ST3GAL4: variants seen among roughly 807,000 people sequenced by gnomAD.
ST3GAL4 encodes the protein ST3 beta-galactoside alpha-2,3-sialyltransferase 4, also known as CMP-N-acetylneuraminate-beta-galactosamide-alpha-2,3-sialyltransferase 4.
In ST3GAL4, 24 loss-of-function variants were observed where a neutral mutation model predicts 42.6. The observed-to-expected ratio is 0.56, with a 90% confidence interval of 0.41 to 0.79. ST3GAL4 has a LOEUF of 0.79. Ranked by LOEUF, ST3GAL4 falls within the 30% of genes least tolerant of loss-of-function variation. The pLI, the probability that ST3GAL4 is intolerant of heterozygous loss-of-function variation, is 0.00. For missense variants in ST3GAL4, 311 were observed against 430.8 expected (o/e 0.72, Z 2.46); for synonymous variants, 135 against 163.2 (o/e 0.83, Z 1.32).
intron 1 of ST3GAL4, among the ~76,000 whole-genome samples, chr11:126,387,061 G>GT (rs1479059975): frequency 6.6e-6 from 1 of 152,214 alleles, no homozygotes; most frequent in African/African-American, 2.4e-5. Context: ...TGTCCTCAGG[G>GT]TAGGACACAA....
intron 1 of ST3GAL4, chr11:126,403,229 CGCAACACTG>C (rs963290163): frequency 3.2e-6 from 1 of 311,028 alleles, no homozygotes; most frequent in Non-Finnish European, 4.7e-6. Flanking sequence ...GTTTGCTTAG[CGCAACACTG>C]ACGCTGTTTT....
At chr11:126,404,923 C>T (rs1203514671) in intron 1 of ST3GAL4, among the ~76,000 whole-genome samples, 1 of 152,224 alleles carries the variant, frequency 6.6e-6, no homozygotes, top group African/African-American at 2.4e-5. Context: ...GTAAAATGGA[C>T]CAGGCCTCAT....
intron 1 of ST3GAL4, among the ~76,000 whole-genome samples, chr11:126,388,416 C>T (rs1367430158): frequency 6.6e-6 from 1 of 152,014 alleles, no homozygotes; most frequent in African/African-American, 2.4e-5. Context: ...CTGCAACCTC[C>T]ACCTCCTGGG....
chr11:126,396,814 C>T lies in ST3GAL4; in HGVS notation c.-60-9282C>T, dbSNP rs1374598385. The stretch of plus-strand genomic sequence containing the variant: ...ACCTGGGCCGGTTACTGACCCCTTT[C>T]CCACCTTAGTTCCCTGGCTCTACAA... On this transcript the variant is annotated intron_variant, in intron 1 of 10. Coordinates refer to ENST00000444328, the MANE Select transcript of ST3GAL4 (RefSeq NM_001254757.2). This position sits in a 1 kb window ranked among gnomAD's most constrained non-coding sequence, Gnocchi z 5.8. Among the ~76,000 whole-genome samples, 1 of 151,718 alleles carries T rather than the reference C, an allele frequency of 6.6e-6. No individual in the cohort carries two copies. Among genetic ancestry groups the T allele is most frequent in the African/African-American group, 2.4e-5 (1 of 41,194 alleles).
At chr11:126,412,410 C>T (rs1954572327) in intron 9 of ST3GAL4, among the ~76,000 whole-genome samples, 1 of 152,180 alleles carries the variant, frequency 6.6e-6, no homozygotes, top group South Asian at 2.1e-4. Flanking sequence ...GTGTGCAAAG[C>T]AGGTTGCTGA....
At chr11:126,380,327 G>A (rs1056131627) in intron 1 of ST3GAL4, among the ~76,000 whole-genome samples, 5 of 151,964 alleles carry the variant, frequency 3.3e-5, no homozygotes, top group African/African-American at 1.2e-4. Flanking sequence ...CAATAGGCAG[G>A]TCACAGAAAG....
intron 8 of ST3GAL4, chr11:126,408,915 T>C (rs1254623029): frequency 2.5e-6 from 1 of 403,926 alleles, no homozygotes. Flanking sequence ...TGCCATCCGG[T>C]CACAGGCTGA....
At position 126,406,526 on chromosome 11, in the gene ST3GAL4, T is replaced by A. The variant is rs1382895116; in HGVS notation, c.70T>A (p.Ser24Thr). The A allele has an allele frequency of 6.2e-7, 1 of 1,614,178 alleles. No individual in the cohort carries two copies. Among genetic ancestry groups the A allele is most frequent in the Non-Finnish European group, 8.5e-7 (1 of 1,180,036 alleles). ...GGTCCTGGTCGTCATGGTGTGGTAT[T>A]CCATCTCCCGGGAAGACAGGTACAT... Reference protein sequence around the residue: ...ALVLVVMVWYSISREDRYIEL... With the variant: ...ALVLVVMVWYTISREDRYIEL... The change falls in exon 3 of 11, where the codon TCC becomes ACC. Residue 24 changes from serine to threonine, a missense_variant. Physicochemically the swap from Ser to Thr is moderately conservative, Grantham distance 58. Transcript: ENST00000444328. This position sits in a 1 kb window ranked among gnomAD's most constrained non-coding sequence, Gnocchi z 5.4.
chr11:126,366,367 AGAG>A lies in ST3GAL4; in HGVS notation c.-61+10534_-61+10536del, dbSNP rs1313246101. Among the ~76,000 whole-genome samples the A allele has an allele frequency of 6.6e-6, 1 of 152,024 alleles. No homozygotes were observed. Among genetic ancestry groups the A allele is most frequent in the Non-Finnish European group, 1.5e-5 (1 of 68,000 alleles). On this transcript the variant is annotated intron_variant, in intron 1 of 10. Transcript: ENST00000444328. The surrounding 1 kb of genome is among the most constrained non-coding windows in gnomAD (Gnocchi z 4.2). Reference sequence around the variant, plus strand: ...GGCATGGGGTGGTGGGGGCGTGCAGAGAGGAGGAGGACTGAGAGCTGGGTGTGT... The same window carrying A: ...GGCATGGGGTGGTGGGGGCGTGCAGAGAGGAGGACTGAGAGCTGGGTGTGT...
At chr11:126,403,447 G>A (rs1954095768) in intron 1 of ST3GAL4, 5 of 985,434 alleles carry the variant, frequency 5.1e-6, no homozygotes, top group Non-Finnish European at 6.0e-6. Context: ...GCTCTTTGTA[G>A]TGTTTCCCGC....
chr11:126,384,917 C>T lies in ST3GAL4; in HGVS notation c.-60-21179C>T. The stretch of plus-strand genomic sequence containing the variant: ...CTCTCTTTGCTGGGCTGGGACAGAG[C>T]TTGAATGGAGAGGGGCCGCCTTGTG... On this transcript the variant is annotated intron_variant, in intron 1 of 10. Transcript: ENST00000444328. This position sits in a 1 kb window ranked among gnomAD's most constrained non-coding sequence, Gnocchi z 5.5. 1.0e-6 allele frequency: 1 copy of T among 985,322 alleles called. No homozygotes were observed. The highest frequency in any genetic ancestry group is 1.2e-6 in the Non-Finnish European group (1 of 829,880). 61.0% of individuals were successfully genotyped at this position (985,322 alleles called of 1,614,324 possible). A position where few individuals can be genotyped will look rare whatever the true frequency, so the allele number is the denominator to read the frequency against.
rs890450956 is a variant in ST3GAL4 at position 126,396,531 on chromosome 11, G to A, written c.-60-9565G>A. Among the ~76,000 whole-genome samples the A allele has an allele frequency of 6.6e-6, 1 of 152,000 alleles. No homozygotes were observed. The highest frequency in any genetic ancestry group is 2.4e-5 in the African/African-American group (1 of 41,242). On this transcript the variant is annotated intron_variant, in intron 1 of 10. Transcript: ENST00000444328. This position sits in a 1 kb window ranked among gnomAD's most constrained non-coding sequence, Gnocchi z 5.8. The stretch of plus-strand genomic sequence containing the variant: ...GAGAGCACCAGGGCTGTGGGGGCTA[G>A]AGACTGTGTCTCGTGCGGAAGCGTG...
chr11:126,364,194 C>T (rs1327633570), intron 1 of ST3GAL4, among the ~76,000 whole-genome samples: 1 of 152,120 alleles, frequency 6.6e-6, no homozygotes, highest in African/African-American at 2.4e-5. Context: ...GACAACAAAG[C>T]TCCCTCTGTG....
At position 126,384,722 on chromosome 11, in the gene ST3GAL4, A is replaced by G. The variant is rs1953150864; in HGVS notation, c.-60-21374A>G. 25 of 985,226 alleles carry G rather than the reference A, an allele frequency of 2.5e-5. 1 individual carries two copies. The South Asian group carries it at 9.4e-4, about 37-fold the overall frequency. The allele number at this position is 985,226 out of a possible 1,614,324, so 61.0% of individuals were successfully genotyped here. ...CCCCTTCTGCATGCCACCACACCCC[A>G]GCAGCATCTCCTGAGGCTGGGCCAT... On this transcript the variant is annotated intron_variant, in intron 1 of 10. Coordinates refer to ENST00000444328, the MANE Select transcript of ST3GAL4 (RefSeq NM_001254757.2). This position sits in a 1 kb window ranked among gnomAD's most constrained non-coding sequence, Gnocchi z 5.5.
chr11:126,406,120 A>G lies in ST3GAL4; in HGVS notation c.-36A>G. On this transcript the variant is annotated 5_prime_UTR_variant, in exon 2 of 11. Coordinates refer to ENST00000444328, the MANE Select transcript of ST3GAL4 (RefSeq NM_001254757.2). The surrounding 1 kb of genome is among the most constrained non-coding windows in gnomAD (Gnocchi z 5.4). ...GGTGGCCCGAGGCAGCCGGGATGACAGCTCTCCCCAGGAATCCTGCTGCCT... is the reference window on the plus strand; with the variant it reads ...GGTGGCCCGAGGCAGCCGGGATGACGGCTCTCCCCAGGAATCCTGCTGCCT... 7.7e-6 allele frequency: 12 copies of G among 1,552,174 alleles called. No homozygotes were observed. The highest frequency in any genetic ancestry group is 1.0e-5 in the Non-Finnish European group (12 of 1,147,258).
chr11:126,399,023 A>G (rs1036041961), intron 1 of ST3GAL4, among the ~76,000 whole-genome samples: 7 of 152,122 alleles, frequency 4.6e-5, no homozygotes, highest in Admixed American at 4.6e-4. Flanking sequence ...TCTCTGCAGT[A>G]CCTTTGGGAT....
chr11:126,406,685 C>A lies in ST3GAL4; in HGVS notation c.101+128C>A. 1.5e-6 allele frequency: 2 copies of A among 1,304,534 alleles called. No individual in the cohort carries two copies. The highest frequency in any genetic ancestry group is 2.1e-6 in the Non-Finnish European group (2 of 939,682). The allele number at this position is 1,304,534 out of a possible 1,614,324, so 80.8% of individuals were successfully genotyped here. A position where few individuals can be genotyped will look rare whatever the true frequency, so the allele number is the denominator to read the frequency against. ...GAGCCGGCACATGACCTCATCCCTT[C>A]AGCTGCTGGTACGGAGTGTTTCCAT... On this transcript the variant is annotated intron_variant, in intron 3 of 10. Coordinates refer to ENST00000444328, the MANE Select transcript of ST3GAL4 (RefSeq NM_001254757.2). This position sits in a 1 kb window ranked among gnomAD's most constrained non-coding sequence, Gnocchi z 5.4.
At position 126,413,633 on chromosome 11, in the gene ST3GAL4, G is replaced by T. The variant is rs1264318066; in HGVS notation, c.900G>T (p.Thr300=). The T allele has an allele frequency of 6.2e-7, 1 of 1,614,102 alleles. No individual in the cohort carries two copies. Among genetic ancestry groups the T allele is most frequent in the Non-Finnish European group, 8.5e-7 (1 of 1,180,036 alleles). ...CCATTCACTACTATGAGCAGATCACGCTCAAGTCCATGGCGGTAAGTGCCT... is the reference window on the plus strand; with the variant it reads ...CCATTCACTACTATGAGCAGATCACTCTCAAGTCCATGGCGGTAAGTGCCT... ...KQTIHYYEQI[T]LKSMAGSGHN... is the part of the protein sequence containing the mutation. The change falls in exon 10 of 11, where the codon ACG becomes ACT. Residue 300 remains threonine (T), a synonymous_variant. Transcript: ENST00000444328.
chr11:126,403,873 G>A (rs1013744486), intron 1 of ST3GAL4, among the ~76,000 whole-genome samples: 1 of 152,122 alleles, frequency 6.6e-6, no homozygotes, highest in Non-Finnish European at 1.5e-5. Context: ...TCTGAGTCAC[G>A]GCGTGCACAT....
Sources: allele counts gnomAD v4.1 joint callset (sites outside exome capture counted in the v4.1 genomes callset), GRCh38; gene constraint gnomAD v4.1.1; non-coding constraint Gnocchi (gnomAD v3.1); transcripts MANE v1.5; gene names NCBI Gene and HGNC (gene_info 2026-07-23, HGNC 2026-07-21).